The following EVC variants were observed in gnomAD, a reference collection of about 807,000 sequenced individuals.
The protein encoded by EVC is EvC ciliary complex subunit 1, also known as evC complex member EVC.
In EVC, 116 loss-of-function variants were observed where a neutral mutation model predicts 118.9. The observed-to-expected ratio is 0.98, with a 90% confidence interval of 0.84 to 1.14. The LOEUF is 1.14. EVC is among the 50% of genes most tolerant of loss of function. EVC has a pLI of 0.00. For synonymous variants in EVC, 619 were observed against 534.7 expected (o/e 1.16, Z -2.18); for missense variants, 1,401 against 1,246.4 (o/e 1.12, Z -1.87).
downstream of EVC, among the ~76,000 whole-genome samples, chr4:5,815,418 A>T (rs1717518176): frequency 1.3e-5 from 2 of 152,214 alleles, no homozygotes; most frequent in Non-Finnish European, 1.5e-5. Flanking sequence ...TGATGACCCC[A>T]CAAACCAGTG....
At chr4:5,816,570 A>G (rs1252070133), downstream of EVC, among the ~76,000 whole-genome samples, 1 of 129,606 alleles carries the variant, frequency 7.7e-6, no homozygotes, top group Admixed American at 7.8e-5. Flanking sequence ...CCCTCTCTTC[A>G]CTCCCTTCCT....
At chr4:5,793,535 G>A in intron 12 of EVC, 73 bp from the exon 13 acceptor site, 1 of 1,266,508 alleles carries the variant, frequency 7.9e-7, no homozygotes, top group Non-Finnish European at 1.1e-6. Flanking sequence ...GAAACAAAAT[G>A]CACAATCCTA....
chr4:5,814,706 C>T (rs112767568), downstream of EVC, among the ~76,000 whole-genome samples: 14 of 152,166 alleles, frequency 9.2e-5, no homozygotes, highest in African/African-American at 3.1e-4. Context: ...ATGGGCCACA[C>T]CCCTGCCCCC....
At position 5,754,377 on chromosome 4, in the gene EVC, G is replaced by T. The variant is rs1214202898; in HGVS notation, c.1464+444G>T. On this transcript the variant is annotated intron_variant, in intron 10 of 20. Transcript: ENST00000264956. This position sits in a 1 kb window ranked among gnomAD's most constrained non-coding sequence, Gnocchi z 5.8. ...AGGGAGTTCCCAGCCTTGCATGTGG[G>T]GTTGAGTGGTCAGGGCCAGGAGGTG... 1.3e-5 allele frequency among the ~76,000 whole-genome samples: 2 copies of T among 152,162 alleles called. No individual in the cohort carries two copies. Among genetic ancestry groups the T allele is most frequent in the African/African-American group, 4.8e-5 (2 of 41,440 alleles).
At chr4:5,720,932 T>C (rs1309249844) in intron 2 of EVC, among the ~76,000 whole-genome samples, 4 of 152,182 alleles carry the variant, frequency 2.6e-5, no homozygotes, top group South Asian at 2.1e-4. Flanking sequence ...CAAACACTGA[T>C]TGAGCCCCTA....
chr4:5,822,560 T>G, the EVC span, among the ~76,000 whole-genome samples: 1 of 152,134 alleles, frequency 6.6e-6, no homozygotes, highest in Non-Finnish European at 1.5e-5. Context: ...CATTCTACTT[T>G]TACCTATTCT....
chr4:5,821,960 C>G, the EVC span: 1 of 852,194 alleles, frequency 1.2e-6, no homozygotes, highest in Non-Finnish European at 1.7e-6. This position sits in a 1 kb window ranked among gnomAD's most constrained non-coding sequence, Gnocchi z 4.4. Context: ...CACCTTCATT[C>G]AGGGCTCAGT....
chr4:5,797,947 C>T (rs1321769044), intron 14 of EVC, among the ~76,000 whole-genome samples: 2 of 152,184 alleles, frequency 1.3e-5, no homozygotes, highest in Non-Finnish European at 2.9e-5. Context: ...GAGTTACACC[C>T]AGGTAGGCTG....
intron 17 of EVC, among the ~76,000 whole-genome samples, chr4:5,806,037 C>T (rs1463017018): frequency 6.6e-6 from 1 of 151,814 alleles, no homozygotes; most frequent in Non-Finnish European, 1.5e-5. Context: ...ACTCCCCTCC[C>T]ATCGTCCCGC....
In EVC at chr4:5,743,547, C is replaced by T. The variant is rs1389436916; in HGVS notation, c.802-1657C>T. 6.6e-6 allele frequency among the ~76,000 whole-genome samples: 1 copy of T among 152,156 alleles called. No individual in the cohort carries two copies. Among genetic ancestry groups the T allele is most frequent in the Non-Finnish European group, 1.5e-5 (1 of 68,044 alleles). On this transcript the variant is annotated intron_variant, in intron 6 of 20. Transcript: ENST00000264956. The surrounding 1 kb of genome is among the most constrained non-coding windows in gnomAD (Gnocchi z 4.7). ...TTATCATCTTTCCTGCTACCTCTAC[C>T]TTCACCTTCATTAGAGTCCTCATTG...
At chr4:5,793,444 A>G (rs988024218) in intron 12 of EVC, 164 bp from the exon 13 acceptor site, 5 of 695,148 alleles carry the variant, frequency 7.2e-6, no homozygotes, top group Non-Finnish European at 1.3e-5. Context: ...AAAGATTTTA[A>G]GGTTTTAGAA....
chr4:5,773,568 T>A (rs769357513), intron 11 of EVC, among the ~76,000 whole-genome samples: 1 of 152,034 alleles, frequency 6.6e-6, no homozygotes, highest in Non-Finnish European at 1.5e-5. Flanking sequence ...CCTGCAAAGT[T>A]ATGTGGCAAG....
intron 8 of EVC, among the ~76,000 whole-genome samples, chr4:5,751,378 C>G (rs933891616): frequency 5.3e-5 from 8 of 152,186 alleles, no homozygotes; most frequent in Non-Finnish European, 4.4e-5. Context: ...ATTGCACCAC[C>G]ACTGCCGAAT....
rs149853791 is a variant in EVC, at chr4:5,774,979, AG to A, written c.1564-8572del. Among the ~76,000 whole-genome samples, 554 of 152,330 alleles carry A rather than the reference AG, an allele frequency of 3.6e-3. 4 individuals carry two copies. The highest frequency in any genetic ancestry group is 0.012 in the African/African-American group (497 of 41,560). ...TCTTTCCAAGGAGCAGACAGGATCC[AG>A]CACATTTCTTATTAGAAGGAGCCTA... On this transcript the variant is annotated intron_variant, in intron 11 of 20. Coordinates refer to ENST00000264956, the MANE Select transcript of EVC (RefSeq NM_153717.3).
chr4:5,772,876 G>A (rs1468669739), intron 11 of EVC, among the ~76,000 whole-genome samples: 1 of 152,140 alleles, frequency 6.6e-6, no homozygotes, highest in Non-Finnish European at 1.5e-5. Context: ...TGCCTAGCCA[G>A]CTCATTCTTG....
In EVC at chr4:5,743,401, TATC is replaced by T. The variant is rs1364900798; in HGVS notation, c.801+1596_801+1598del. On this transcript the variant is annotated intron_variant, in intron 6 of 20. Coordinates refer to ENST00000264956, the MANE Select transcript of EVC (RefSeq NM_153717.3). The surrounding 1 kb of genome is among the most constrained non-coding windows in gnomAD (Gnocchi z 4.7). ...CATCATCCCCTGCCATCATTTTCAT[TATC>T]ATCATCATTGTTATTGTCATCATTT... 2.6e-5 allele frequency among the ~76,000 whole-genome samples: 4 copies of T among 152,188 alleles called. No homozygotes were observed. Among genetic ancestry groups the T allele is most frequent in the Non-Finnish European group, 4.4e-5 (3 of 68,028 alleles).
chr4:5,822,149 C>G, the EVC span, among the ~76,000 whole-genome samples: 3 of 152,244 alleles, frequency 2.0e-5, no homozygotes, highest in Admixed American at 6.5e-5. Flanking sequence ...TACTGAGTGC[C>G]TACTGTGTGC....
At chr4:5,771,571 C>T (rs965966053) in intron 11 of EVC, among the ~76,000 whole-genome samples, 3 of 152,126 alleles carry the variant, frequency 2.0e-5, no homozygotes, top group African/African-American at 7.2e-5. Context: ...CTGTGTACCA[C>T]GGAGAAAAAC....
chr4:5,711,494 C>A lies in EVC; in HGVS notation c.114C>A (p.Leu38=). 1 of 1,128,142 alleles carries A rather than the reference C, an allele frequency of 8.9e-7. No homozygotes were observed. The highest frequency in any genetic ancestry group is 4.3e-5 in the South Asian group (1 of 23,298). The allele number at this position is 1,128,142 out of a possible 1,614,324, so 69.9% of individuals were successfully genotyped here. A position where few individuals can be genotyped will look rare whatever the true frequency, so the allele number is the denominator to read the frequency against. The change falls in exon 1 of 21, where the codon CTC becomes CTA. Residue 38 remains leucine, a synonymous_variant. Transcript: ENST00000264956. The part of the protein sequence containing the change: ...LAPAVLLGAA[L]GLGLGLWLGC... ...CCGCCGTGCTGCTGGGCGCCGCGCT[C>A]GGCCTCGGCCTCGGCCTTTGGCTTG...
Sources: allele counts gnomAD v4.1 joint callset (sites outside exome capture counted in the v4.1 genomes callset), GRCh38; gene constraint gnomAD v4.1.1; non-coding constraint Gnocchi (gnomAD v3.1); transcripts MANE v1.5; gene names NCBI Gene and HGNC (gene_info 2026-07-23, HGNC 2026-07-21).